Variants in ASGR2 observed in about 807,000 individuals in gnomAD.
ASGR2 encodes asialoglycoprotein receptor 2.
In ASGR2, 34 loss-of-function variants were observed where a neutral mutation model predicts 32.3. The observed-to-expected ratio is 1.05, with a 90% confidence interval of 0.80 to 1.40. The LOEUF is 1.40. Among genes scored for constraint, ASGR2 ranks in the 40% most tolerant of loss-of-function variants. The probability of loss-of-function intolerance (pLI) is 0.00; values close to 1 mark genes in which losing one functional copy is unlikely to be tolerated. For synonymous variants in ASGR2, 143 were observed against 150.0 expected, an observed-to-expected ratio of 0.95 and a Z score of 0.34; for missense variants, 385 against 386.4, an observed-to-expected ratio of 1.00 and a Z score of 0.03.
Position 7,107,794 on chromosome 17 carries a change from C to T in ASGR2, c.409+42G>A. 1 of 1,547,788 alleles carries T rather than the reference C, an allele frequency of 6.5e-7. No homozygotes were observed. The highest frequency in any genetic ancestry group is 8.7e-7 in the Non-Finnish European group (1 of 1,143,746). On this transcript the variant is annotated intron_variant, in intron 5 of 8. Transcript: ENST00000691900. This position sits in a 1 kb window ranked among gnomAD's most constrained non-coding sequence, Gnocchi z 5.0. ...ACACACTACACACACCGCACACGTA[C>T]ACATGCACGCACATGCGCACACACC... is the stretch of plus-strand genomic sequence containing the variant.
chr17:7,107,247 C>A lies in ASGR2; in HGVS notation c.480G>T (p.Glu160Asp), dbSNP rs758861778. Residue 160 changes from glutamate (E) to aspartate (D), a missense_variant, in exon 6 of 9, where the codon GAG becomes GAT. Coordinates refer to ENST00000691900, the MANE Select transcript of ASGR2 (RefSeq NM_001201352.2). This position sits in a 1 kb window ranked among gnomAD's most constrained non-coding sequence, Gnocchi z 5.0. ...VDLRFVACQMELLHSNGSQRT... is the reference protein window; with the variant it reads ...VDLRFVACQMDLLHSNGSQRT... ...CACCCCTACCGTTGCTGTGGAGGAGCTCCATCTGGCAGGCCACGAAGCGCA... is the reference window on the plus strand; with the variant it reads ...CACCCCTACCGTTGCTGTGGAGGAGATCCATCTGGCAGGCCACGAAGCGCA... 36 of 1,614,030 alleles carry A rather than the reference C, an allele frequency of 2.2e-5. No homozygotes were observed. The South Asian group carries it at 3.6e-4, about 16-fold the overall frequency.
At chr17:7,104,537 A>G (rs191306773) in intron 7 of ASGR2, among the ~76,000 whole-genome samples, 8 of 151,398 alleles carry the variant, frequency 5.3e-5, no homozygotes, top group African/African-American at 1.9e-4. Flanking sequence ...CTGTAATCCT[A>G]GCTACTCGGG....
intron 7 of ASGR2, among the ~76,000 whole-genome samples, chr17:7,104,348 T>TAAAAAAAAAAAAAAAA (rs71383461): frequency 1.3e-5 from 1 of 79,822 alleles, no homozygotes; most frequent in Non-Finnish European, 2.2e-5. Context: ...AACTCTGTCT[T>TAAAAAAAAAAAAAAAA]AAAAAAAAAA....
chr17:7,101,789 G>A (rs762084696), intron 8 of ASGR2, 49 bp from the exon 9 acceptor site: 6 of 1,589,550 alleles, frequency 3.8e-6, no homozygotes, highest in African/African-American at 1.3e-5. Context: ...GTGAGAAAGC[G>A]ACTTACCCAT....
Position 7,107,072 on chromosome 17 carries a change from G to C in ASGR2, c.576C>G (p.Ala192=), listed in dbSNP as rs751238403. The change falls in exon 7 of 9, where the codon GCC becomes GCG. Residue 192 remains alanine, a synonymous_variant. Coordinates refer to ENST00000691900, the MANE Select transcript of ASGR2 (RefSeq NM_001201352.2). The surrounding 1 kb of genome is among the most constrained non-coding windows in gnomAD (Gnocchi z 5.0). ...GGCAGTACTTCTCCGCCTCAGCCCA[G>C]GCCTTCCCGGAGTGAGAGAACCAGT... ...SCYWFSHSGK[A]WAEAEKYCQL... The C allele has an allele frequency of 6.2e-7, 1 of 1,614,196 alleles. No homozygotes were observed. Among genetic ancestry groups the C allele is most frequent in the Non-Finnish European group, 8.5e-7 (1 of 1,180,036 alleles).
Position 7,108,448 on chromosome 17 carries a change from G to A in ASGR2, c.337+14C>T, listed in dbSNP as rs771188904. Reference sequence around the variant, plus strand: ...TGTGCGGATAAATGAGAACCCAGCCGTCCAGCCCCTCACCGTGGGTGCTGA... The same window carrying A: ...TGTGCGGATAAATGAGAACCCAGCCATCCAGCCCCTCACCGTGGGTGCTGA... On this transcript the variant is annotated intron_variant, in intron 4 of 8. Transcript: ENST00000691900. The surrounding 1 kb of genome is among the most constrained non-coding windows in gnomAD (Gnocchi z 4.9). 2.7e-5 allele frequency: 43 copies of A among 1,582,058 alleles called. No individual in the cohort carries two copies. Among genetic ancestry groups the A allele is most frequent in the East Asian group, 4.6e-5 (2 of 43,736 alleles).
chr17:7,101,442 T>C lies in ASGR2; in HGVS notation c.*133A>G. 1.6e-6 allele frequency: 2 copies of C among 1,224,912 alleles called. No individual in the cohort carries two copies. The highest frequency in any genetic ancestry group is 2.2e-6 in the Non-Finnish European group (2 of 904,428). The allele number at this position is 1,224,912 out of a possible 1,614,324, so 75.9% of individuals were successfully genotyped here. Reference sequence around the variant, plus strand: ...CCTCCAGGGTCAGGGACTCTTAAACTACCTCCTTTCTCTCTTTGCTCAGCT... The same window carrying C: ...CCTCCAGGGTCAGGGACTCTTAAACCACCTCCTTTCTCTCTTTGCTCAGCT... On this transcript the variant is annotated 3_prime_UTR_variant, in exon 9 of 9. Coordinates refer to ENST00000691900, the MANE Select transcript of ASGR2 (RefSeq NM_001201352.2).
rs767640045 is a variant in ASGR2 at position 7,106,988 on chromosome 17, G to A, written c.648+12C>T. The A allele has an allele frequency of 1.2e-6, 2 of 1,613,804 alleles. No individual in the cohort carries two copies. The highest frequency in any genetic ancestry group is 8.5e-7 in the Non-Finnish European group (1 of 1,179,946). On this transcript the variant is annotated intron_variant, in intron 7 of 8. Coordinates refer to ENST00000691900, the MANE Select transcript of ASGR2 (RefSeq NM_001201352.2). ...AAGGGCTTCCTCCTGCCTGTGGGAA[G>A]CGTGGCCTCACCTGCTCCTCCCAGG...
intron 7 of ASGR2, among the ~76,000 whole-genome samples, chr17:7,106,717 G>C (rs78561029): frequency 0.35 from 53,276 of 151,558 alleles, 9,789 homozygotes; most frequent in Non-Finnish European, 0.42. Flanking sequence ...GCCTGGCTAA[G>C]ACGGTGAAAC....
At chr17:7,106,963 A>G (rs771055140) in intron 7 of ASGR2, 37 bp downstream of exon 7, 12 of 1,611,324 alleles carry the variant, frequency 7.4e-6, no homozygotes, top group Non-Finnish European at 1.0e-5. Flanking sequence ...CAGGCCTTCC[A>G]AGGGCTTCCT....
chr17:7,102,725 C>T (rs1328871769), intron 7 of ASGR2, among the ~76,000 whole-genome samples: 1 of 152,172 alleles, frequency 6.6e-6, no homozygotes, highest in Non-Finnish European at 1.5e-5. Flanking sequence ...AGTACATTGG[C>T]CCCTGGTAGC....
At chr17:7,112,366 C>T (rs971283166) in intron 2 of ASGR2, among the ~76,000 whole-genome samples, 1 of 151,854 alleles carries the variant, frequency 6.6e-6, no homozygotes. Context: ...GAGGGAAATG[C>T]GGTGACTTTG....
rs35452249 is a variant in ASGR2 at position 7,113,800 on chromosome 17, T to TCACA, written c.124+313_124+316dup. Reference sequence around the variant, plus strand: ...ACATATACACACACACAACATTCACTCACACACACACACAGAGTCCCAGCT... The same window carrying TCACA: ...ACATATACACACACACAACATTCACTCACACACACACACACACAGAGTCCCAGCT... On this transcript the variant is annotated intron_variant, in intron 2 of 8. Transcript: ENST00000691900. This position sits in a 1 kb window ranked among gnomAD's most constrained non-coding sequence, Gnocchi z 5.1. 0.28 allele frequency among the ~76,000 whole-genome samples: 42,441 copies of TCACA among 151,398 alleles called. 6,294 individuals are homozygous for TCACA. The highest frequency in any genetic ancestry group is 0.37 in the Admixed American group (5,619 of 15,234).
In ASGR2 at chr17:7,107,935, C is replaced by A; in HGVS notation, c.338-28G>T. 6.2e-7 allele frequency: 1 copy of A among 1,613,152 alleles called. No homozygotes were observed. Among genetic ancestry groups the A allele is most frequent in the Non-Finnish European group, 8.5e-7 (1 of 1,179,652 alleles). Reference sequence around the variant, plus strand: ...GGAAGCGGAAAGCCAGCTGTTTCCCCGCTGAGCCTCCCTCCGTCCTCATGC... The same window carrying A: ...GGAAGCGGAAAGCCAGCTGTTTCCCAGCTGAGCCTCCCTCCGTCCTCATGC... On this transcript the variant is annotated intron_variant, in intron 4 of 8. Coordinates refer to ENST00000691900, the MANE Select transcript of ASGR2 (RefSeq NM_001201352.2). This position sits in a 1 kb window ranked among gnomAD's most constrained non-coding sequence, Gnocchi z 5.0.
Position 7,102,336 on chromosome 17 carries a change from G to A in ASGR2, c.649-140C>T, listed in dbSNP as rs2151701123. The A allele has an allele frequency of 4.2e-6, 3 of 708,270 alleles. No individual in the cohort carries two copies. In the East Asian group the frequency reaches 7.5e-5, roughly 18 times the overall value. 43.9% of individuals were successfully genotyped at this position (708,270 alleles called of 1,614,324 possible). On this transcript the variant is annotated intron_variant, in intron 7 of 8. Transcript: ENST00000691900. ...TGAAGCACCAGCTCCCGACAAGACT[G>A]CTTCCTAGCTTTTTCTTCCGTCACT...
rs768406951 is a variant in ASGR2, at chr17:7,114,159, T to G, written c.82A>C (p.Thr28Pro). The G allele has an allele frequency of 3.7e-6, 6 of 1,614,156 alleles. No individual in the cohort carries two copies. The Admixed American group carries it at 1.0e-4, about 27-fold the overall frequency. Residue 28 changes from threonine to proline, a missense_variant, in exon 2 of 9, where the codon ACT (threonine) becomes CCT (proline). Coordinates refer to ENST00000691900, the MANE Select transcript of ASGR2 (RefSeq NM_001201352.2). This position sits in a 1 kb window ranked among gnomAD's most constrained non-coding sequence, Gnocchi z 4.5. Reference sequence around the variant, plus strand: ...CCTCTCCTGGGATTCAGCCTGCGAGTGCCTGGCCCCTCACCTTGATGGAAA... The same window carrying G: ...CCTCTCCTGGGATTCAGCCTGCGAGGGCCTGGCCCCTCACCTTGATGGAAA... ...HPFHQGEGPG[T>P]RRLNPRRGNP...
chr17:7,106,975 C>T (rs1255473666), intron 7 of ASGR2, 25 bp downstream of exon 7: 16 of 1,613,556 alleles, frequency 9.9e-6, no homozygotes, highest in Non-Finnish European at 1.2e-5. Context: ...GGGCTTCCTC[C>T]TGCCTGTGGG....
intron 7 of ASGR2, among the ~76,000 whole-genome samples, chr17:7,102,455 G>A (rs1386992575): frequency 6.6e-6 from 1 of 152,192 alleles, no homozygotes; most frequent in Non-Finnish European, 1.5e-5. Context: ...TCTAAGATGG[G>A]CACTGCAGTG....
rs1912902513 is a variant in ASGR2, at chr17:7,102,034, CCAGG to C, written c.755+52_755+55del. ...AGTCAGGGTAGCTTGGAGTGAAAGGCCAGGGGGCTGTCCCCAGAGAAATCTAACA... is the reference window on the plus strand; with the variant it reads ...AGTCAGGGTAGCTTGGAGTGAAAGGCGGGCTGTCCCCAGAGAAATCTAACA... On this transcript the variant is annotated intron_variant, in intron 8 of 8. Transcript: ENST00000691900. 5.8e-6 allele frequency: 9 copies of C among 1,545,206 alleles called. No homozygotes were observed. In the Admixed American group the frequency reaches 1.5e-4, roughly 26 times the overall value.
Sources: gnomAD v4.1 joint callset for allele counts (sites outside exome capture counted in the v4.1 genomes callset) on GRCh38, gnomAD v4.1.1 for gene constraint, Gnocchi (gnomAD v3.1) non-coding constraint, MANE v1.5 for transcripts, NCBI Gene and HGNC (gene_info 2026-07-23, HGNC 2026-07-21) for gene names.